The following ZNF236 variants were observed in gnomAD, a reference collection of about 807,000 sequenced individuals.
The protein encoded by ZNF236 is regulated by glucose.
In ZNF236, 50 loss-of-function variants were observed where a neutral mutation model predicts 191.2. The observed-to-expected ratio is 0.26, with a 90% CI of 0.21 to 0.33. The LOEUF (loss-of-function observed/expected upper bound fraction) is 0.33. Among genes scored for constraint, ZNF236 ranks in the 10% least tolerant of loss-of-function variants. The pLI, the probability that ZNF236 is intolerant of heterozygous loss-of-function variation, is 1.00. For synonymous variants in ZNF236, 907 were observed against 928.8 expected (o/e 0.98, Z 0.43); for missense variants, 1,754 against 2,374.5 (o/e 0.74, Z 5.43).
rs192214411 is a variant in ZNF236 at position 76,932,634 on chromosome 18, C to T, written c.4595-4522C>T. ...ATGTCTGGATTCATGCCCTGCTGGC[C>T]GGCCTCACTGAGCAGGAAACTGGCC... On this transcript the variant is annotated intron_variant, in intron 25 of 30. Coordinates refer to ENST00000320610, the MANE Select transcript of ZNF236 (RefSeq NM_001306089.2). Among the ~76,000 whole-genome samples, 7 of 152,280 alleles carry T rather than the reference C, an allele frequency of 4.6e-5. No homozygotes were observed. In the South Asian group the frequency reaches 6.2e-4, roughly 14 times the overall value.
intron 1 of ZNF236, chr18:76,824,348 C>G (rs536656986): frequency 6.4e-6 from 5 of 781,054 alleles, no homozygotes; most frequent in Non-Finnish European, 1.2e-5. Flanking sequence ...AGCGAGCTTT[C>G]GCACACCTCA....
At position 76,960,746 on chromosome 18, in the gene ZNF236, C is replaced by T; in HGVS notation, c.5310C>T (p.His1770=). The T allele has an allele frequency of 6.2e-7, 1 of 1,614,188 alleles. No individual in the cohort carries two copies. The highest frequency in any genetic ancestry group is 8.5e-7 in the Non-Finnish European group (1 of 1,180,032). ...AFNQKSALQV[H]MKKHTGERPY... Reference sequence around the variant, plus strand: ...ACCAGAAGAGTGCGCTGCAGGTGCACATGAAGAAGCACACGGGGGAGCGGC... The same window carrying T: ...ACCAGAAGAGTGCGCTGCAGGTGCATATGAAGAAGCACACGGGGGAGCGGC... Residue 1770 remains histidine (H), a synonymous_variant, in exon 30 of 31, where the codon CAC becomes CAT. Coordinates refer to ENST00000320610, the MANE Select transcript of ZNF236 (RefSeq NM_001306089.2). The surrounding 1 kb of genome is among the most constrained non-coding windows in gnomAD (Gnocchi z 4.4).
intron 14 of ZNF236, among the ~76,000 whole-genome samples, chr18:76,908,953 ATGTGTGTGTCTGTGTGTG>A (rs894615737): frequency 5.1e-5 from 6 of 117,218 alleles, no homozygotes; most frequent in South Asian, 6.5e-4. Context: ...GTGTGTGTGT[ATGTGTGTGTCTGTGTGTG>A]TGTGTGTGTG....
intron 3 of ZNF236, among the ~76,000 whole-genome samples, chr18:76,864,972 C>T (rs1353354452): frequency 1.3e-5 from 2 of 152,016 alleles, no homozygotes; most frequent in African/African-American, 4.8e-5. Context: ...AAACAGTGAG[C>T]GATCAACAAA....
At chr18:76,861,764 A>G (rs1976235825) in intron 3 of ZNF236, among the ~76,000 whole-genome samples, 1 of 152,194 alleles carries the variant, frequency 6.6e-6, no homozygotes, top group South Asian at 2.1e-4. Context: ...ATTGTTAGAG[A>G]TAACCAGCCA....
chr18:76,959,887 C>T, intron 29 of ZNF236, 71 bp downstream of exon 29: 2 of 1,528,192 alleles, frequency 1.3e-6, no homozygotes, highest in Non-Finnish European at 1.8e-6. Flanking sequence ...AAACATAATT[C>T]CACCTGTGCA....
At chr18:76,883,014 C>A (rs1976941001) in intron 9 of ZNF236, among the ~76,000 whole-genome samples, 1 of 152,198 alleles carries the variant, frequency 6.6e-6, no homozygotes, top group African/African-American at 2.4e-5. Context: ...GAGTGAGGAG[C>A]CACGTCAGAC....
At chr18:76,965,989 G>A (rs1392606186) in intron 30 of ZNF236, among the ~76,000 whole-genome samples, 1 of 152,174 alleles carries the variant, frequency 6.6e-6, no homozygotes, top group Non-Finnish European at 1.5e-5. Context: ...AGGGTGGGTA[G>A]AGAAGGAGCA....
At chr18:76,967,098 C>T (rs1375249032) in intron 30 of ZNF236, among the ~76,000 whole-genome samples, 6 of 77,204 alleles carry the variant, frequency 7.8e-5, no homozygotes, top group East Asian at 4.5e-4. Flanking sequence ...TGATGTGATT[C>T]GTGAGATGTG....
At chr18:76,826,272 T>C (rs1292414518) in intron 1 of ZNF236, among the ~76,000 whole-genome samples, 1 of 150,060 alleles carries the variant, frequency 6.7e-6, no homozygotes. Context: ...CCACCATGGC[T>C]AGCTATTTTT....
chr18:76,863,939 AGT>A (rs1361304843), intron 3 of ZNF236, among the ~76,000 whole-genome samples: 1 of 152,190 alleles, frequency 6.6e-6, no homozygotes, highest in African/African-American at 2.4e-5. Flanking sequence ...GAACGTGGAG[AGT>A]GTTTTTGGAT....
chr18:76,945,827 A>G (rs984182648), intron 26 of ZNF236, among the ~76,000 whole-genome samples: 3 of 152,218 alleles, frequency 2.0e-5, no homozygotes, highest in Non-Finnish European at 4.4e-5. Context: ...ATGTTTATGT[A>G]AAAAATTAGG....
rs1242765736 is a variant in ZNF236, at chr18:76,927,188, A to G, written c.4173+6A>G. 1 of 1,612,692 alleles carries G rather than the reference A, an allele frequency of 6.2e-7. No individual in the cohort carries two copies. Among genetic ancestry groups the G allele is most frequent in the East Asian group, 2.2e-5 (1 of 44,850 alleles). ...TTAATAACATTACGTTGCAGGTATG[A>G]CACCTTCCATGGTCTCCTGTGCTGT... On this transcript the variant is annotated splice_donor_region_variant and intron_variant, in intron 23 of 30. Coordinates refer to ENST00000320610, the MANE Select transcript of ZNF236 (RefSeq NM_001306089.2). The surrounding 1 kb of genome is among the most constrained non-coding windows in gnomAD (Gnocchi z 5.4).
rs2156341 is a variant in ZNF236, at chr18:76,870,574, G to A, written c.543-1127G>A. Reference sequence around the variant, plus strand: ...TAGTGACCAAGTGAGTGGGTTAGTCGGTACCACAGTTTCAGATAGTGGTGA... The same window carrying A: ...TAGTGACCAAGTGAGTGGGTTAGTCAGTACCACAGTTTCAGATAGTGGTGA... On this transcript the variant is annotated intron_variant, in intron 4 of 30. Transcript: ENST00000320610. Among the ~76,000 whole-genome samples, 727 of 152,258 alleles carry A rather than the reference G, an allele frequency of 4.8e-3. 5 individuals carry two copies. The highest frequency in any genetic ancestry group is 0.016 in the African/African-American group (678 of 41,534).
At chr18:76,930,790 G>A (rs759418246) in intron 25 of ZNF236, among the ~76,000 whole-genome samples, 5 of 152,110 alleles carry the variant, frequency 3.3e-5, no homozygotes, top group Non-Finnish European at 7.3e-5. Flanking sequence ...TCAATTCATT[G>A]ACAGTTTCAT....
At chr18:76,840,982 A>G (rs1454667466) in intron 1 of ZNF236, 4 of 150,652 alleles carry the variant, frequency 2.7e-5, no homozygotes, top group Non-Finnish European at 5.9e-5. Context: ...CACCATGCCC[A>G]GGCTGGAGTG....
intron 14 of ZNF236, among the ~76,000 whole-genome samples, chr18:76,909,782 C>T (rs1308479898): frequency 6.6e-6 from 1 of 152,118 alleles, no homozygotes; most frequent in East Asian, 1.9e-4. Context: ...CATGCACACG[C>T]AGAAAGGTTT....
At chr18:76,950,867 A>G (rs1345873568) in intron 27 of ZNF236, among the ~76,000 whole-genome samples, 1 of 152,134 alleles carries the variant, frequency 6.6e-6, no homozygotes, top group African/African-American at 2.4e-5. Flanking sequence ...AGTTGAAATT[A>G]CTCCTTCATC....
intron 9 of ZNF236, among the ~76,000 whole-genome samples, chr18:76,884,088 A>G (rs542732320): frequency 4.4e-4 from 67 of 152,296 alleles, no homozygotes; most frequent in Middle Eastern, 6.8e-3. Flanking sequence ...CACATAAATC[A>G]TTGTGAATTT....
Sources: allele counts gnomAD v4.1 joint callset (sites outside exome capture counted in the v4.1 genomes callset), GRCh38; gene constraint gnomAD v4.1.1; non-coding constraint Gnocchi (gnomAD v3.1); transcripts MANE v1.5; gene names NCBI Gene and HGNC (gene_info 2026-07-23, HGNC 2026-07-21).